NOTCH2: variants seen among roughly 807,000 people sequenced by gnomAD.
NOTCH2 encodes the protein neurogenic locus notch homolog protein 2.
Under a neutral mutation model 235.8 loss-of-function variants are expected in NOTCH2, and 29 were observed. That is an observed-to-expected ratio of 0.12 (90% CI 0.09 to 0.17). The LOEUF is 0.17. Ranked by LOEUF, NOTCH2 falls within the 10% of genes least tolerant of loss-of-function variation. The pLI, the probability that NOTCH2 is intolerant of heterozygous loss-of-function variation, is 1.00. For synonymous variants in NOTCH2, 1,086 were observed against 1,141.5 expected (o/e 0.95, Z 0.98); for missense variants, 2,285 against 3,150.2 (o/e 0.73, Z 6.57).
At chr1:119,929,493 T>A (rs1364991280) in intron 22 of NOTCH2, among the ~76,000 whole-genome samples, 1 of 152,010 alleles carries the variant, frequency 6.6e-6, no homozygotes, top group Non-Finnish European at 1.5e-5. Flanking sequence ...CTATTATTTG[T>A]CCCATCTCAA....
intron 17 of NOTCH2, among the ~76,000 whole-genome samples, chr1:119,945,578 G>A (rs1650224120): frequency 6.6e-6 from 1 of 152,018 alleles, no homozygotes. Context: ...ATCAGTATCA[G>A]GCAAAGTAGA....
intron 22 of NOTCH2, chr1:119,935,104 A>T (rs782586966): frequency 3.0e-6 from 3 of 985,316 alleles, no homozygotes; most frequent in Non-Finnish European, 3.6e-6. Context: ...AAAAAAATAC[A>T]AAAGCAGGTA....
intron 14 of NOTCH2, among the ~76,000 whole-genome samples, chr1:119,953,008 C>T (rs1203682911): frequency 2.0e-5 from 3 of 152,138 alleles, no homozygotes; most frequent in African/African-American, 7.2e-5. Context: ...CTTAACTGCT[C>T]ATCTTAAATA....
chr1:119,951,660 A>C (rs771746491), intron 14 of NOTCH2, among the ~76,000 whole-genome samples: 1 of 152,236 alleles, frequency 6.6e-6, no homozygotes, highest in South Asian at 2.1e-4. Context: ...CACTAAGAAA[A>C]GGATAAAAGG....
At chr1:119,919,654 A>C in intron 30 of NOTCH2, 41 bp from the exon 31 acceptor site, 1 of 1,590,106 alleles carries the variant, frequency 6.3e-7, no homozygotes, top group Non-Finnish European at 8.6e-7. Flanking sequence ...CAAGAAGGAG[A>C]AGGTAGTTAA....
At chr1:119,973,359 T>C (rs185418236) in intron 5 of NOTCH2, among the ~76,000 whole-genome samples, 8 of 31,510 alleles carry the variant, frequency 2.5e-4, no homozygotes, top group East Asian at 0.017. Flanking sequence ...TCTGCTATGA[T>C]ATAACAACTC....
intron 17 of NOTCH2, among the ~76,000 whole-genome samples, chr1:119,947,802 A>G (rs1282963695): frequency 6.6e-6 from 1 of 152,246 alleles, no homozygotes; most frequent in Non-Finnish European, 1.5e-5. Context: ...ACTGCAGAAC[A>G]ATAAACTAGA....
chr1:119,954,322 G>A (rs1025811812), intron 13 of NOTCH2, among the ~76,000 whole-genome samples: 2 of 152,198 alleles, frequency 1.3e-5, no homozygotes, highest in African/African-American at 4.8e-5. Context: ...ATGAGAGATG[G>A]ATAAGGGTGC....
rs770234870 is a variant in NOTCH2, at chr1:119,916,189, G to T, written c.6533C>A (p.Ala2178Asp). The change falls in exon 34 of 34, where the codon GCC becomes GAC. Residue 2178 changes from alanine to aspartate, a missense_variant. Physicochemically the swap from Ala to Asp is moderately radical, Grantham distance 126. Transcript: ENST00000256646. ...PMITSPGILQ[A>D]SPNPMLATAA... Reference sequence around the variant, plus strand: ...AGTGGCCAACATAGGGTTGGGTGAGGCCTGTAAGATCCCAGGGGATGTAAT... The same window carrying T: ...AGTGGCCAACATAGGGTTGGGTGAGTCCTGTAAGATCCCAGGGGATGTAAT... 3.1e-6 allele frequency: 5 copies of T among 1,614,222 alleles called. No homozygotes were observed. Among genetic ancestry groups the T allele is most frequent in the Non-Finnish European group, 4.2e-6 (5 of 1,180,034 alleles).
rs749154853 is a variant in NOTCH2 at position 119,925,291 on chromosome 1, C to T, written c.4511+14G>A. Reference sequence around the variant, plus strand: ...GACAGTCCCCTTCAGTTCTGGAAAACGTGAAGCCCTTACTTGCATGTCTTG... The same window carrying T: ...GACAGTCCCCTTCAGTTCTGGAAAATGTGAAGCCCTTACTTGCATGTCTTG... On this transcript the variant is annotated intron_variant, in intron 25 of 33. Coordinates refer to ENST00000256646, the MANE Select transcript of NOTCH2 (RefSeq NM_024408.4). 44 of 1,613,046 alleles carry T rather than the reference C, an allele frequency of 2.7e-5. No homozygotes were observed. The highest frequency in any genetic ancestry group is 4.5e-5 in the East Asian group (2 of 44,894).
chr1:119,984,764 A>G (rs1651947184), intron 5 of NOTCH2, among the ~76,000 whole-genome samples: 1 of 152,196 alleles, frequency 6.6e-6, no homozygotes, highest in Non-Finnish European at 1.5e-5. Flanking sequence ...ATAACTCGGT[A>G]CATCCCTCAC....
At chr1:119,947,144 T>C (rs1331713984) in intron 17 of NOTCH2, among the ~76,000 whole-genome samples, 3 of 152,098 alleles carry the variant, frequency 2.0e-5, no homozygotes, top group Non-Finnish European at 4.4e-5. Flanking sequence ...TTAAACAAGA[T>C]ACATGAAGCA....
At chr1:119,929,645 C>T (rs587646184) in intron 22 of NOTCH2, among the ~76,000 whole-genome samples, 3 of 152,382 alleles carry the variant, frequency 2.0e-5, no homozygotes, top group East Asian at 1.9e-4. Flanking sequence ...GCAGGCAGCA[C>T]ATACGACAGT....
rs1651192887 is a variant in NOTCH2 at position 119,967,618 on chromosome 1, T to C, written c.1268A>G (p.Asn423Ser). 4 of 1,614,014 alleles carry C rather than the reference T, an allele frequency of 2.5e-6. No individual in the cohort carries two copies. Among genetic ancestry groups the C allele is most frequent in the Middle Eastern group, 1.7e-4 (1 of 6,060 alleles). ...TCCTGCATGCTCACAAGGATTGCTA[T>C]TGGCTGAAAGACACAAGTACCAATT... is the stretch of plus-strand genomic sequence containing the variant. ...TEDVDECAMA[N>S]SNPCEHAGKC... Residue 423 changes from asparagine (N) to serine (S), a missense_variant, in exon 8 of 34, where the codon AAT becomes AGT. Around this residue, in one of 6 missense-constraint regions of NOTCH2, gnomAD observed 431 missense variants for 757.8 expected, o/e 0.57. Coordinates refer to ENST00000256646, the MANE Select transcript of NOTCH2 (RefSeq NM_024408.4).
At chr1:119,995,389 TG>T (rs1348977368) in intron 4 of NOTCH2, 1 of 151,432 alleles carries the variant, frequency 6.6e-6, no homozygotes, top group African/African-American at 2.4e-5. Context: ...GCAATTTTCT[TG>T]AAACTGAAAA....
At chr1:119,973,184 G>A (rs1651433479) in intron 5 of NOTCH2, among the ~76,000 whole-genome samples, 1 of 152,156 alleles carries the variant, frequency 6.6e-6, no homozygotes, top group Non-Finnish European at 1.5e-5. Flanking sequence ...ACTTCTCTAA[G>A]GTTCAGGCAC....
intron 17 of NOTCH2, among the ~76,000 whole-genome samples, chr1:119,948,176 C>T (rs782214639): frequency 2.0e-5 from 3 of 152,182 alleles, no homozygotes; most frequent in Non-Finnish European, 4.4e-5. Context: ...ATAGCATTGT[C>T]CTCACATTTT....
chr1:119,937,209 C>A, intron 21 of NOTCH2, 73 bp downstream of exon 21: 2 of 1,434,922 alleles, frequency 1.4e-6, no homozygotes, highest in South Asian at 1.1e-5. Flanking sequence ...CAGCTAAATT[C>A]AATATATCAG....
chr1:119,963,882 ATCCATTTAC>A, intron 10 of NOTCH2, 75 bp from the exon 11 acceptor site: 1 of 1,254,156 alleles, frequency 8.0e-7, no homozygotes, highest in Non-Finnish European at 1.2e-6. Flanking sequence ...GTGTAGCTAC[ATCCATTTAC>A]TCTACACATT....
Sources: allele counts gnomAD v4.1 joint callset (sites outside exome capture counted in the v4.1 genomes callset), GRCh38; gene constraint gnomAD v4.1.1; regional missense constraint gnomAD v4.1.1; transcripts MANE v1.5; gene names NCBI Gene and HGNC (gene_info 2026-07-23, HGNC 2026-07-21).